COL24A1: variants seen among roughly 807,000 people sequenced by gnomAD.
The protein encoded by COL24A1 is collagen type XXIV alpha 1 chain, also known as collagen alpha-1(XXIV) chain.
Under a neutral mutation model 253.9 loss-of-function variants are expected in COL24A1, and 224 were observed. The ratio of observed to expected loss-of-function variants is 0.88; its 90% CI spans 0.79 to 0.99. COL24A1 has a LOEUF of 0.99. Ranked by LOEUF, COL24A1 falls within the 50% of genes least tolerant of loss-of-function variation. The pLI is 0.00. For missense variants in COL24A1, 2,131 were observed against 2,068.5 expected (o/e 1.03, Z -0.59); for synonymous variants, 685 against 673.7 (o/e 1.02, Z -0.26).
intron 36 of COL24A1, 59 bp downstream of exon 36, chr1:85,868,723 A>G: frequency 7.1e-7 from 1 of 1,412,816 alleles, no homozygotes. Context: ...ATGATGTCTA[A>G]TATTTTAAAG....
intron 7 of COL24A1, among the ~76,000 whole-genome samples, chr1:86,085,179 T>C (rs1010175487): frequency 1.3e-5 from 2 of 152,204 alleles, no homozygotes; most frequent in Non-Finnish European, 2.9e-5. Flanking sequence ...TGCATACTTT[T>C]GGGGTGACTG....
intron 5 of COL24A1, among the ~76,000 whole-genome samples, chr1:86,099,193 A>G (rs1704241928): frequency 6.6e-6 from 1 of 152,214 alleles, no homozygotes. Flanking sequence ...AAGAAATTAT[A>G]TATTTCCGAG....
intron 24 of COL24A1, among the ~76,000 whole-genome samples, chr1:85,955,783 T>C (rs755720072): frequency 9.2e-5 from 14 of 152,268 alleles, no homozygotes; most frequent in Non-Finnish European, 2.1e-4. Flanking sequence ...CCAATCACTG[T>C]ATCAAATGAG....
intron 37 of COL24A1, among the ~76,000 whole-genome samples, chr1:85,850,409 G>C (rs987908663): frequency 3.3e-5 from 5 of 152,136 alleles, no homozygotes; most frequent in Non-Finnish European, 5.9e-5. Flanking sequence ...CGAATAAACA[G>C]ATACCTAAGG....
chr1:86,104,965 G>T (rs1347307328), intron 5 of COL24A1, among the ~76,000 whole-genome samples: 4 of 152,208 alleles, frequency 2.6e-5, no homozygotes, highest in East Asian at 1.9e-4. Flanking sequence ...GAAGGTGGGG[G>T]TCACACTGGT....
intron 47 of COL24A1, among the ~76,000 whole-genome samples, chr1:85,793,514 G>A (rs947698193): frequency 5.9e-5 from 9 of 152,108 alleles, no homozygotes; most frequent in East Asian, 1.9e-4. Context: ...GAGCGAGAGC[G>A]AGAGATCCAT....
rs116280984 is a variant in COL24A1, at chr1:86,078,432, A to G, written c.1707+10742T>C. On this transcript the variant is annotated intron_variant, in intron 7 of 59. Coordinates refer to ENST00000370571, the MANE Select transcript of COL24A1 (RefSeq NM_152890.7). ...CCCACTTTCTCCACTGTTATTCAAC[A>G]TAGTACTGAAAATCTTAACTAGAGC... is the stretch of plus-strand genomic sequence containing the variant. Among the ~76,000 whole-genome samples, 539 of 152,308 alleles carry G rather than the reference A, an allele frequency of 3.5e-3. 3 individuals are homozygous for G. Among genetic ancestry groups the G allele is most frequent in the African/African-American group, 0.013 (520 of 41,572 alleles).
chr1:85,850,599 C>T (rs909441637), intron 37 of COL24A1, among the ~76,000 whole-genome samples: 2 of 152,086 alleles, frequency 1.3e-5, no homozygotes, highest in East Asian at 3.9e-4. Flanking sequence ...CAAAAAGAGG[C>T]TGATTAATCT....
intron 47 of COL24A1, among the ~76,000 whole-genome samples, chr1:85,810,287 T>C (rs1413395205): frequency 1.3e-5 from 2 of 152,062 alleles, no homozygotes; most frequent in Non-Finnish European, 2.9e-5. Flanking sequence ...AGTTACCCTA[T>C]ATGGTTTAAG....
chr1:86,003,085 C>CT (rs1197519606), intron 19 of COL24A1, among the ~76,000 whole-genome samples: 1 of 152,154 alleles, frequency 6.6e-6, no homozygotes, highest in African/African-American at 2.4e-5. Context: ...AGTATGGAGC[C>CT]TATGGCAGTT....
At chr1:85,876,219 G>T (rs1681150237) in intron 33 of COL24A1, among the ~76,000 whole-genome samples, 1 of 151,932 alleles carries the variant, frequency 6.6e-6, no homozygotes, top group South Asian at 2.1e-4. Context: ...CTGGCAATAG[G>T]GATAAAAAGG....
intron 32 of COL24A1, among the ~76,000 whole-genome samples, chr1:85,885,377 G>GTATATATATA (rs1553213698): frequency 7.4e-6 from 1 of 135,928 alleles, no homozygotes; most frequent in East Asian, 2.1e-4. Context: ...ATTTTTGTGT[G>GTATATATATA]TATATATATA....
At chr1:85,867,993 C>T (rs1679988348) in intron 37 of COL24A1, among the ~76,000 whole-genome samples, 1 of 152,150 alleles carries the variant, frequency 6.6e-6, no homozygotes, top group Non-Finnish European at 1.5e-5. Flanking sequence ...GATCCACCCA[C>T]TTCAGCTTCC....
At chr1:85,768,587 C>T (rs5775869) in intron 53 of COL24A1, among the ~76,000 whole-genome samples, 6 of 147,096 alleles carry the variant, frequency 4.1e-5, no homozygotes, top group African/African-American at 1.2e-4. Flanking sequence ...TTCTTTTGTG[C>T]GGGGGGAGGG....
Position 86,125,433 on chromosome 1 carries a change from C to T in COL24A1, c.903G>A (p.Val301=). Residue 301 remains valine (V), a synonymous_variant, in exon 3 of 60, where the codon GTG becomes GTA. Transcript: ENST00000370571. The part of the protein sequence containing the change: ...PNIIKNDSET[V]YKRQEHQISR... ...ATATCTGGTGTTCTTGTCTTTTATA[C>T]ACGGTTTCAGAATCATTTTTTATGA... 2 of 1,613,596 alleles carry T rather than the reference C, an allele frequency of 1.2e-6. No individual in the cohort carries two copies. The highest frequency in any genetic ancestry group is 1.7e-6 in the Non-Finnish European group (2 of 1,179,768).
chr1:86,108,620 TAAAAAAAAAAAA>T (rs55852463), intron 5 of COL24A1, among the ~76,000 whole-genome samples: 2,252 of 83,100 alleles, frequency 0.027, 40 homozygotes, highest in Middle Eastern at 0.075. Flanking sequence ...CCATCTCTAC[TAAAAAAAAAAAA>T]AAAAAAAAAA....
intron 24 of COL24A1, among the ~76,000 whole-genome samples, chr1:85,959,737 G>A (rs867231642): frequency 6.6e-6 from 1 of 152,124 alleles, no homozygotes; most frequent in African/African-American, 2.4e-5. Flanking sequence ...TCTTTGGAAA[G>A]CACTGGCAGT....
At position 85,730,337 on chromosome 1, in the gene COL24A1, T is replaced by G; in HGVS notation, c.*209A>C. 1 of 407,570 alleles carries G rather than the reference T, an allele frequency of 2.5e-6. No homozygotes were observed. Among genetic ancestry groups the G allele is most frequent in the Non-Finnish European group, 4.3e-6 (1 of 232,726 alleles). The allele number at this position is 407,570 out of a possible 1,614,324, so 25.2% of individuals were successfully genotyped here. A position where few individuals can be genotyped will look rare whatever the true frequency, so the allele number is the denominator to read the frequency against. ...TAAGAAAGCTGAGATGAATATAATT[T>G]TTAAAAGAATTAAATACTTTATCAA... On this transcript the variant is annotated 3_prime_UTR_variant, in exon 60 of 60. Transcript: ENST00000370571.
chr1:85,896,798 C>G (rs907704662), intron 28 of COL24A1, among the ~76,000 whole-genome samples: 5 of 152,176 alleles, frequency 3.3e-5, no homozygotes, highest in African/African-American at 9.7e-5. Context: ...ACCCACCGCG[C>G]ACGGCCAAGA....
Sources: allele counts gnomAD v4.1 joint callset (sites outside exome capture counted in the v4.1 genomes callset), GRCh38; gene constraint gnomAD v4.1.1; transcripts MANE v1.5; gene names NCBI Gene and HGNC (gene_info 2026-07-23, HGNC 2026-07-21).